Variants in ENOX1 observed in about 807,000 individuals in gnomAD.
The protein encoded by ENOX1 is ecto-NOX disulfide-thiol exchanger 1.
In ENOX1, 42 loss-of-function variants were observed where a neutral mutation model predicts 82.5. The ratio of observed to expected loss-of-function variants is 0.51; its 90% CI spans 0.40 to 0.66. The LOEUF is 0.66. ENOX1 is among the 30% of genes least tolerant of loss of function. The probability of loss-of-function intolerance (pLI) is 0.00; values close to 1 mark genes in which losing one functional copy is unlikely to be tolerated. For synonymous variants in ENOX1, 271 were observed against 282.2 expected (o/e 0.96, Z 0.40); for missense variants, 608 against 811.6 (o/e 0.75, Z 3.05).
intron 11 of ENOX1, among the ~76,000 whole-genome samples, chr13:43,313,464 T>G (rs913754690): frequency 2.6e-5 from 4 of 152,212 alleles, no homozygotes; most frequent in African/African-American, 7.2e-5. Context: ...TGAAAATGTC[T>G]AGGGAGTATT....
At chr13:43,491,393 C>A (rs1019030780) in intron 2 of ENOX1, among the ~76,000 whole-genome samples, 2 of 152,200 alleles carry the variant, frequency 1.3e-5, no homozygotes, top group African/African-American at 4.8e-5. Context: ...TAACTTCTAG[C>A]TAGTATTTAT....
At chr13:43,450,461 G>C (rs1418593625) in intron 3 of ENOX1, among the ~76,000 whole-genome samples, 2 of 152,146 alleles carry the variant, frequency 1.3e-5, no homozygotes, top group African/African-American at 2.4e-5. Flanking sequence ...AAGAAGAGCA[G>C]GCATGCCAGA....
intron 1 of ENOX1, among the ~76,000 whole-genome samples, chr13:43,776,517 G>A (rs1187607178): frequency 6.6e-6 from 1 of 152,176 alleles, no homozygotes; most frequent in Non-Finnish European, 1.5e-5. Context: ...ATGCTTTGAG[G>A]AACTGGGGAA....
chr13:43,756,208 C>T (rs1283207838), intron 1 of ENOX1, among the ~76,000 whole-genome samples: 1 of 151,962 alleles, frequency 6.6e-6, no homozygotes, highest in Non-Finnish European at 1.5e-5. Flanking sequence ...AGGTGGATCA[C>T]TTGAGCCCAG....
intron 15 of ENOX1, among the ~76,000 whole-genome samples, chr13:43,230,327 A>G (rs1172875102): frequency 6.6e-6 from 1 of 151,800 alleles, no homozygotes; most frequent in Non-Finnish European, 1.5e-5. Context: ...AGAGGGGAGG[A>G]GGGAATGGTG....
intron 3 of ENOX1, among the ~76,000 whole-genome samples, chr13:43,422,438 C>T (rs2055032289): frequency 6.6e-6 from 1 of 152,164 alleles, no homozygotes; most frequent in African/African-American, 2.4e-5. Context: ...GGATGAAAAG[C>T]AGACCCAACC....
intron 5 of ENOX1, among the ~76,000 whole-genome samples, chr13:43,401,669 G>A (rs1387603326): frequency 6.6e-6 from 1 of 152,188 alleles, no homozygotes; most frequent in African/African-American, 2.4e-5. Context: ...AGCCACAGAT[G>A]GAACCTTTCT....
intron 15 of ENOX1, among the ~76,000 whole-genome samples, chr13:43,227,132 G>A (rs368250592): frequency 2.0e-5 from 3 of 152,292 alleles, no homozygotes; most frequent in East Asian, 3.9e-4. Context: ...AGGATGGGGT[G>A]GGTTGGGGGA....
intron 3 of ENOX1, among the ~76,000 whole-genome samples, chr13:43,431,959 A>C (rs2055697675): frequency 6.6e-6 from 1 of 152,110 alleles, no homozygotes; most frequent in South Asian, 2.1e-4. Context: ...ATCACCCCGG[A>C]GCCAAGTATA....
chr13:43,383,750 C>T (rs2052226327), intron 5 of ENOX1, among the ~76,000 whole-genome samples: 1 of 152,172 alleles, frequency 6.6e-6, no homozygotes, highest in Non-Finnish European at 1.5e-5. Flanking sequence ...AGGAATTCTC[C>T]TGGCACTGTG....
chr13:43,214,863 G>A (rs2041386330), intron 16 of ENOX1, among the ~76,000 whole-genome samples: 1 of 152,146 alleles, frequency 6.6e-6, no homozygotes, highest in Non-Finnish European at 1.5e-5. Context: ...ATTTTATACA[G>A]CAGGGCGGCC....
At position 43,388,793 on chromosome 13, in the gene ENOX1, A is replaced by G. The variant is rs116266866; in HGVS notation, c.208+23123T>C. On this transcript the variant is annotated intron_variant, in intron 5 of 16. Transcript: ENST00000690772. ...CCTTGGAGGAGCTGGTAAAATTTTGATAGGTGGAGAGGCAGAGGAAGGTGT... is the reference window on the plus strand; with the variant it reads ...CCTTGGAGGAGCTGGTAAAATTTTGGTAGGTGGAGAGGCAGAGGAAGGTGT... 2.5e-3 allele frequency among the ~76,000 whole-genome samples: 377 copies of G among 152,210 alleles called. 1 individual carries two copies. Among genetic ancestry groups the G allele is most frequent in the African/African-American group, 8.7e-3 (360 of 41,528 alleles).
intron 2 of ENOX1, among the ~76,000 whole-genome samples, chr13:43,638,388 A>T (rs1419983478): frequency 1.4e-5 from 2 of 138,394 alleles, no homozygotes; most frequent in Non-Finnish European, 3.1e-5. Context: ...TTGCACTATC[A>T]TCATAAGTGT....
intron 5 of ENOX1, among the ~76,000 whole-genome samples, chr13:43,411,540 G>A (rs1239899572): frequency 6.6e-6 from 1 of 152,118 alleles, no homozygotes; most frequent in Non-Finnish European, 1.5e-5. Context: ...ACATTAACAA[G>A]AGCAATAACA....
chr13:43,677,564 T>C (rs1419464403), intron 1 of ENOX1, among the ~76,000 whole-genome samples: 1 of 152,202 alleles, frequency 6.6e-6, no homozygotes, highest in Non-Finnish European at 1.5e-5. Flanking sequence ...CTCTTTCTCT[T>C]CTTTCCTTCA....
At chr13:43,673,942 AG>A (rs2085385675) in intron 1 of ENOX1, among the ~76,000 whole-genome samples, 1 of 152,142 alleles carries the variant, frequency 6.6e-6, no homozygotes, top group Non-Finnish European at 1.5e-5. Context: ...ATTCCCACCA[AG>A]GCTACCAAAC....
intron 2 of ENOX1, among the ~76,000 whole-genome samples, chr13:43,504,809 T>C (rs1367638879): frequency 2.0e-5 from 3 of 151,584 alleles, no homozygotes; most frequent in South Asian, 2.1e-4. Context: ...CTCGATCTTA[T>C]GTTAAATGTT....
At chr13:43,416,459 A>AC (rs2054573482) in intron 3 of ENOX1, among the ~76,000 whole-genome samples, 2 of 146,586 alleles carry the variant, frequency 1.4e-5, no homozygotes, top group Non-Finnish European at 3.0e-5. Context: ...CACATCCCAG[A>AC]TGGGGTGGCC....
At chr13:43,557,242 G>C (rs1014219302) in intron 2 of ENOX1, among the ~76,000 whole-genome samples, 3 of 152,174 alleles carry the variant, frequency 2.0e-5, no homozygotes, top group Admixed American at 1.3e-4. Flanking sequence ...AAACTGTACA[G>C]AAAGAAATAT....
Sources: gnomAD v4.1 joint callset for allele counts (sites outside exome capture counted in the v4.1 genomes callset) on GRCh38, gnomAD v4.1.1 for gene constraint, MANE v1.5 for transcripts, NCBI Gene and HGNC (gene_info 2026-07-23, HGNC 2026-07-21) for gene names.